The following TPH2 variants were observed in gnomAD, a reference collection of about 807,000 sequenced individuals.
TPH2 encodes the protein tryptophan hydroxylase 2, also known as tryptophan 5-hydroxylase 2.
In TPH2, 27 loss-of-function variants were observed where a neutral mutation model predicts 59.1. The ratio of observed to expected loss-of-function variants is 0.46; its 90% CI spans 0.34 to 0.63. The LOEUF (loss-of-function observed/expected upper bound fraction) is 0.63, where lower values mean the gene tolerates loss of function less well. Ranked by LOEUF, TPH2 falls within the 30% of genes least tolerant of loss-of-function variation. The pLI, the probability that TPH2 is intolerant of heterozygous loss-of-function variation, is 0.01. For missense variants in TPH2, 523 were observed against 588.3 expected (o/e 0.89, Z 1.15); for synonymous variants, 220 against 210.5 (o/e 1.05, Z -0.39).
At chr12:71,998,918 T>G (rs1008300004) in intron 8 of TPH2, among the ~76,000 whole-genome samples, 3 of 152,196 alleles carry the variant, frequency 2.0e-5, no homozygotes, top group African/African-American at 7.2e-5. Context: ...TAGGTGAGAT[T>G]TATATTATTA....
intron 5 of TPH2, among the ~76,000 whole-genome samples, chr12:71,952,059 T>C (rs940365196): frequency 1.3e-5 from 2 of 152,218 alleles, no homozygotes; most frequent in Non-Finnish European, 2.9e-5. Context: ...GTTGTGGTGA[T>C]ACAAGTAGAA....
intron 7 of TPH2, among the ~76,000 whole-genome samples, chr12:71,982,006 A>T (rs1872291124): frequency 1.5e-5 from 1 of 65,398 alleles, no homozygotes; most frequent in Admixed American, 1.5e-4. Flanking sequence ...TGGGTTTCAT[A>T]TCATTCGTAT....
rs138466998 is a variant in TPH2 at position 71,939,482 on chromosome 12, A to C, written c.105+391A>C. On this transcript the variant is annotated intron_variant, in intron 1 of 10. Coordinates refer to ENST00000333850, the MANE Select transcript of TPH2 (RefSeq NM_173353.4). ...AGGAGTAGGGAGAACAAATTAAATA[A>C]ATTTCCACGGTTTTCAGAAGATCAT... is the stretch of plus-strand genomic sequence containing the variant. 1.9e-4 allele frequency among the ~76,000 whole-genome samples: 29 copies of C among 152,192 alleles called. No individual in the cohort carries two copies. In the East Asian group the frequency reaches 3.7e-3, roughly 19 times the overall value.
chr12:72,000,535 G>T (rs984412509), intron 8 of TPH2, among the ~76,000 whole-genome samples: 1 of 152,202 alleles, frequency 6.6e-6, no homozygotes, highest in Non-Finnish European at 1.5e-5. Flanking sequence ...GCTGCTGCAG[G>T]TTCAAGGACC....
intron 7 of TPH2, among the ~76,000 whole-genome samples, chr12:71,994,175 A>G (rs1330244487): frequency 6.6e-6 from 1 of 152,248 alleles, no homozygotes; most frequent in Non-Finnish European, 1.5e-5. Flanking sequence ...CTTACCATGT[A>G]CTTGGTATAT....
Position 71,941,655 on chromosome 12 carries a change from C to G in TPH2, c.177C>G (p.Thr59=), listed in dbSNP as rs201100007. 2.0e-5 allele frequency: 33 copies of G among 1,613,884 alleles called. No individual in the cohort carries two copies. The African/African-American group carries it at 3.9e-4, about 19-fold the overall frequency. Residue 59 remains threonine, a synonymous_variant, in exon 2 of 11, where the codon ACC becomes ACG. Coordinates refer to ENST00000333850, the MANE Select transcript of TPH2 (RefSeq NM_173353.4). Reference sequence around the variant, plus strand: ...GAAGCAGCAAACGTGAAGCTGCTACCGAAAGTGGCAAGACAGCAGTTGTTT... The same window carrying G: ...GAAGCAGCAAACGTGAAGCTGCTACGGAAAGTGGCAAGACAGCAGTTGTTT... ...NKGSSKREAA[T]ESGKTAVVFS...
intron 4 of TPH2, among the ~76,000 whole-genome samples, chr12:71,946,433 T>C (rs552859701): frequency 6.6e-6 from 1 of 152,264 alleles, no homozygotes; most frequent in East Asian, 1.9e-4. Flanking sequence ...TTTATTCCAA[T>C]ACCCAGCATA....
chr12:71,943,009 C>T (rs1476044529), intron 2 of TPH2, among the ~76,000 whole-genome samples: 7 of 152,106 alleles, frequency 4.6e-5, no homozygotes, highest in African/African-American at 1.7e-4. Flanking sequence ...GCCATTTAAC[C>T]CATCTGGACC....
intron 9 of TPH2, among the ~76,000 whole-genome samples, chr12:72,026,691 G>A (rs1873577609): frequency 6.6e-6 from 1 of 152,190 alleles, no homozygotes; most frequent in African/African-American, 2.4e-5. Flanking sequence ...TGGACGTTGG[G>A]AGCTGGAAAC....
At chr12:72,013,193 T>G (rs1016121948) in intron 8 of TPH2, among the ~76,000 whole-genome samples, 2 of 152,232 alleles carry the variant, frequency 1.3e-5, no homozygotes, top group African/African-American at 4.8e-5. Flanking sequence ...GTTTTTACAT[T>G]TTAATTCATT....
At chr12:71,948,504 C>T (rs11179002) in intron 4 of TPH2, among the ~76,000 whole-genome samples, 43,117 of 152,036 alleles carry the variant, frequency 0.28, 6,405 homozygotes, top group East Asian at 0.46. Context: ...CCAGTTCTCT[C>T]CAGCCAGGCA....
intron 8 of TPH2, among the ~76,000 whole-genome samples, chr12:72,006,088 T>G (rs1195320021): frequency 6.6e-5 from 10 of 152,194 alleles, no homozygotes; most frequent in Admixed American, 5.9e-4. Flanking sequence ...GCGGTTTTCC[T>G]GAGCTGTGCA....
At chr12:71,965,140 A>G (rs1212180790) in intron 5 of TPH2, 1 of 152,202 alleles carries the variant, frequency 6.6e-6, no homozygotes, top group Non-Finnish European at 1.5e-5. Context: ...GCTGCATAGT[A>G]TTCCATCGTG....
intron 1 of TPH2, among the ~76,000 whole-genome samples, chr12:71,939,624 T>C (rs560299606): frequency 6.6e-6 from 1 of 152,344 alleles, no homozygotes; most frequent in South Asian, 2.1e-4. Context: ...TGGATTCCTT[T>C]CAAAAGTTTT....
At chr12:72,009,949 GC>G (rs1450269041) in intron 8 of TPH2, among the ~76,000 whole-genome samples, 25 of 152,300 alleles carry the variant, frequency 1.6e-4, no homozygotes, top group Admixed American at 1.3e-3. Context: ...TACTTCTATT[GC>G]CCTTAAATTT....
intron 4 of TPH2, among the ~76,000 whole-genome samples, chr12:71,948,814 G>C (rs1871269208): frequency 6.6e-6 from 1 of 152,202 alleles, no homozygotes; most frequent in Admixed American, 6.5e-5. Context: ...TTGTCTGAAA[G>C]TGCTTAAAGG....
At chr12:72,008,965 A>G (rs1873027612) in intron 8 of TPH2, among the ~76,000 whole-genome samples, 1 of 152,080 alleles carries the variant, frequency 6.6e-6, no homozygotes, top group Non-Finnish European at 1.5e-5. Context: ...GTGTGTGTGT[A>G]TGCCTGCATC....
At chr12:71,979,156 G>A in intron 7 of TPH2, 69 bp downstream of exon 7, 1 of 1,601,838 alleles carries the variant, frequency 6.2e-7, no homozygotes, top group Non-Finnish European at 8.5e-7. Flanking sequence ...ACTTGAAAAT[G>A]ACTTAGGCCC....
chr12:72,027,129 C>T (rs935400910), intron 9 of TPH2, among the ~76,000 whole-genome samples: 6 of 151,432 alleles, frequency 4.0e-5, no homozygotes, highest in Admixed American at 6.6e-5. Flanking sequence ...ATAGAATAGT[C>T]GAGATAATAA....
Sources: gnomAD v4.1 joint callset for allele counts (sites outside exome capture counted in the v4.1 genomes callset) on GRCh38, gnomAD v4.1.1 for gene constraint, MANE v1.5 for transcripts, NCBI Gene and HGNC (gene_info 2026-07-23, HGNC 2026-07-21) for gene names.